Variants in SORCS3 observed in about 807,000 individuals in gnomAD.
SORCS3 encodes VPS10 domain-containing receptor SorCS3.
A neutral mutation model predicts 146.3 loss-of-function variants in SORCS3; 57 were observed. The ratio of observed to expected loss-of-function variants is 0.39; its 90% CI spans 0.31 to 0.49. The LOEUF (loss-of-function observed/expected upper bound fraction) is 0.49. Among genes scored for constraint, SORCS3 ranks in the 20% least tolerant of loss-of-function variants. The pLI, the probability that SORCS3 is intolerant of heterozygous loss-of-function variation, is 0.92. For synonymous variants in SORCS3, 653 were observed against 618.5 expected, an observed-to-expected ratio of 1.06 and a Z score of -0.83; for missense variants, 1,341 against 1,575.5, an observed-to-expected ratio of 0.85 and a Z score of 2.52.
chr10:104,988,985 A>G (rs1023885786), intron 4 of SORCS3, among the ~76,000 whole-genome samples: 4 of 152,240 alleles, frequency 2.6e-5, no homozygotes, highest in Admixed American at 2.0e-4. Context: ...TCATTAGCAA[A>G]GAAGCACCCT....
At chr10:104,938,793 G>T (rs987721698) in intron 3 of SORCS3, among the ~76,000 whole-genome samples, 1 of 152,180 alleles carries the variant, frequency 6.6e-6, no homozygotes, top group African/African-American at 2.4e-5. Context: ...TGTCTTGCAG[G>T]CTGTCACAGT....
chr10:105,212,623 A>T (rs1417393980), intron 17 of SORCS3, among the ~76,000 whole-genome samples: 1 of 152,206 alleles, frequency 6.6e-6, no homozygotes, highest in East Asian at 1.9e-4. Context: ...AGGAGAATGA[A>T]AAGGAATGGC....
chr10:105,205,990 T>C (rs2056599739), intron 16 of SORCS3, among the ~76,000 whole-genome samples: 1 of 151,962 alleles, frequency 6.6e-6, no homozygotes, highest in South Asian at 2.1e-4. Flanking sequence ...GTTTATTGAG[T>C]GGTGATGTAG....
At chr10:104,962,529 G>C (rs1481321655) in intron 3 of SORCS3, among the ~76,000 whole-genome samples, 2 of 152,078 alleles carry the variant, frequency 1.3e-5, no homozygotes, top group Non-Finnish European at 2.9e-5. Context: ...CCCTGAATTG[G>C]GAGATGCTGT....
intron 2 of SORCS3, among the ~76,000 whole-genome samples, chr10:104,896,773 A>T (rs2018802931): frequency 6.6e-6 from 1 of 152,210 alleles, no homozygotes; most frequent in Admixed American, 6.5e-5. Context: ...TCCAGAAATA[A>T]CATTTGACTG....
chr10:104,843,603 A>T (rs4918132), intron 2 of SORCS3, among the ~76,000 whole-genome samples: 15,873 of 152,260 alleles, frequency 0.1, 970 homozygotes, highest in South Asian at 0.24. Context: ...ACACAGGACG[A>T]GGGAGAAGAG....
intron 1 of SORCS3, among the ~76,000 whole-genome samples, chr10:104,805,467 G>A (rs2017670149): frequency 6.6e-6 from 1 of 152,168 alleles, no homozygotes; most frequent in Non-Finnish European, 1.5e-5. Context: ...GAAGAGTGTG[G>A]AAGACATTTT....
intron 2 of SORCS3, among the ~76,000 whole-genome samples, chr10:104,905,065 A>G (rs944677393): frequency 6.6e-6 from 1 of 152,206 alleles, no homozygotes; most frequent in Non-Finnish European, 1.5e-5. Flanking sequence ...AAGAAAGCTT[A>G]GAAAATACTG....
intron 2 of SORCS3, among the ~76,000 whole-genome samples, chr10:104,886,114 C>T (rs1240923145): frequency 6.6e-6 from 1 of 152,122 alleles, no homozygotes; most frequent in African/African-American, 2.4e-5. Flanking sequence ...TCTCTGTTGG[C>T]TCCATGCTCC....
At chr10:105,046,526 A>C (rs2055372842) in intron 5 of SORCS3, among the ~76,000 whole-genome samples, 1 of 152,144 alleles carries the variant, frequency 6.6e-6, no homozygotes, top group Non-Finnish European at 1.5e-5. Flanking sequence ...CTGTTCCGTC[A>C]TCTACAGTGA....
At chr10:105,042,608 G>C (rs2055345012) in intron 4 of SORCS3, among the ~76,000 whole-genome samples, 1 of 152,132 alleles carries the variant, frequency 6.6e-6, no homozygotes, top group Admixed American at 6.6e-5. Context: ...GTGTGAATGA[G>C]CCTGGTCTTT....
chr10:105,097,279 T>A (rs2055753019), intron 6 of SORCS3, among the ~76,000 whole-genome samples: 1 of 152,244 alleles, frequency 6.6e-6, no homozygotes, highest in South Asian at 2.1e-4. Flanking sequence ...TTTTTTGCCC[T>A]GGCAAGGTTT....
intron 2 of SORCS3, among the ~76,000 whole-genome samples, chr10:104,913,078 G>C (rs1435568264): frequency 6.6e-6 from 1 of 152,206 alleles, no homozygotes; most frequent in East Asian, 1.9e-4. Flanking sequence ...AAGTGGCTGG[G>C]AATGGGTCCA....
intron 3 of SORCS3, among the ~76,000 whole-genome samples, chr10:104,955,133 A>AC (rs1355977029): frequency 6.6e-6 from 1 of 152,076 alleles, no homozygotes; most frequent in Non-Finnish European, 1.5e-5. Context: ...GCATTTTATC[A>AC]CCCCCAAAAG....
At chr10:104,932,404 G>A (rs575784629) in intron 3 of SORCS3, among the ~76,000 whole-genome samples, 1 of 152,300 alleles carries the variant, frequency 6.6e-6, no homozygotes, top group South Asian at 2.1e-4. Flanking sequence ...CCCTGGAAGT[G>A]AGGGAGAAAG....
intron 1 of SORCS3, among the ~76,000 whole-genome samples, chr10:104,651,186 G>A (rs1182052744): frequency 1.3e-5 from 2 of 152,148 alleles, no homozygotes; most frequent in Non-Finnish European, 2.9e-5. Flanking sequence ...ATCTCACTGT[G>A]TTGCTTTCAG....
intron 1 of SORCS3, among the ~76,000 whole-genome samples, chr10:104,780,484 G>C (rs1468112335): frequency 6.6e-6 from 1 of 152,154 alleles, no homozygotes; most frequent in Non-Finnish European, 1.5e-5. Context: ...GAGCCCACCT[G>C]GTCTGGCATC....
At chr10:105,240,659 G>C (rs556483366) in intron 20 of SORCS3, among the ~76,000 whole-genome samples, 5 of 152,028 alleles carry the variant, frequency 3.3e-5, no homozygotes, top group African/African-American at 1.2e-4. Context: ...TATACTTTTA[G>C]CCCTGTGGGG....
chr10:104,728,053 AT>A (rs2016662133), intron 1 of SORCS3, among the ~76,000 whole-genome samples: 1 of 150,828 alleles, frequency 6.6e-6, no homozygotes, highest in Non-Finnish European at 1.5e-5. Flanking sequence ...CTATCTATCT[AT>A]CTATCTATCT....
Sources: gnomAD v4.1 joint callset for allele counts (sites outside exome capture counted in the v4.1 genomes callset) on GRCh38, gnomAD v4.1.1 for gene constraint, MANE v1.5 for transcripts, NCBI Gene and HGNC (gene_info 2026-07-23, HGNC 2026-07-21) for gene names.